Variants in GOLM2 observed in about 807,000 individuals in gnomAD.
GOLM2 encodes the protein golgi membrane protein 2.
Under a neutral mutation model 55.9 loss-of-function variants are expected in GOLM2, and 26 were observed. The observed-to-expected ratio is 0.47, with a 90% confidence interval of 0.34 to 0.65. The LOEUF is 0.65. Among genes scored for constraint, GOLM2 ranks in the 30% least tolerant of loss-of-function variants. The pLI, the probability that GOLM2 is intolerant of heterozygous loss-of-function variation, is 0.01. For missense variants in GOLM2, 486 were observed against 531.8 expected, an observed-to-expected ratio of 0.91 and a Z score of 0.85; for synonymous variants, 165 against 194.6, an observed-to-expected ratio of 0.85 and a Z score of 1.27.
At chr15:44,412,170 A>AAAAC (rs60520310) in intron 9 of GOLM2, among the ~76,000 whole-genome samples, 1,558 of 152,180 alleles carry the variant, frequency 0.01, 31 homozygotes, top group African/African-American at 0.036. Context: ...CTGTCTCAGA[A>AAAAC]AAACAAACAA....
At chr15:44,307,709 A>G (rs2078848526) in intron 1 of GOLM2, 1 of 152,186 alleles carries the variant, frequency 6.6e-6, no homozygotes, top group African/African-American at 2.4e-5. Flanking sequence ...TAGAAAAATA[A>G]TCCATAATGC....
At chr15:44,327,964 T>A (rs976780613) in intron 2 of GOLM2, among the ~76,000 whole-genome samples, 1 of 152,214 alleles carries the variant, frequency 6.6e-6, no homozygotes, top group African/African-American at 2.4e-5. Flanking sequence ...GATTGGCACC[T>A]ATGTTGGTAG....
intron 9 of GOLM2, chr15:44,409,732 C>T (rs2079624012): frequency 1.3e-5 from 2 of 149,480 alleles, no homozygotes; most frequent in African/African-American, 4.9e-5. Flanking sequence ...CATGGTAAAA[C>T]CCCGTCTCTA....
chr15:44,378,931 G>A (rs1304186337), intron 6 of GOLM2, among the ~76,000 whole-genome samples: 1 of 152,006 alleles, frequency 6.6e-6, no homozygotes, highest in Non-Finnish European at 1.5e-5. Flanking sequence ...ATTTTTAGTA[G>A]AGATGGGGTT....
At position 44,341,691 on chromosome 15, in the gene GOLM2, ATT is replaced by A. The variant is rs752182459; in HGVS notation, c.802+3396_802+3397del. Among the ~76,000 whole-genome samples the A allele has an allele frequency of 2.6e-3, 310 of 120,838 alleles. 1 individual carries two copies. The highest frequency in any genetic ancestry group is 5.2e-3 in the East Asian group (22 of 4,240). 79.3% of individuals were successfully genotyped at this position (120,838 alleles called of 152,430 possible). A position where few individuals can be genotyped will look rare whatever the true frequency, so the allele number is the denominator to read the frequency against. Reference sequence around the variant, plus strand: ...AAAAAGTACACAACAATTTTATTAGATTTTTTTTTTTTTTTTTTTTTTTGAGA... The same window carrying A: ...AAAAAGTACACAACAATTTTATTAGATTTTTTTTTTTTTTTTTTTTTGAGA... On this transcript the variant is annotated intron_variant, in intron 6 of 9. Coordinates refer to ENST00000299957, the MANE Select transcript of GOLM2 (RefSeq NM_138423.4).
intron 1 of GOLM2, among the ~76,000 whole-genome samples, chr15:44,299,564 A>G (rs899310683): frequency 1.3e-5 from 2 of 152,104 alleles, no homozygotes; most frequent in African/African-American, 2.4e-5. Context: ...AATTGACTAG[A>G]TAACTACTCT....
intron 6 of GOLM2, among the ~76,000 whole-genome samples, chr15:44,373,596 A>G (rs930910897): frequency 6.7e-6 from 1 of 149,302 alleles, no homozygotes; most frequent in Admixed American, 6.7e-5. Flanking sequence ...TCTACTAAAA[A>G]TACAAAAATT....
Position 44,288,964 on chromosome 15 carries a change from G to A in GOLM2, c.-66G>A. The A allele has an allele frequency of 6.9e-7, 1 of 1,451,066 alleles. No individual in the cohort carries two copies. The highest frequency in any genetic ancestry group is 9.4e-7 in the Non-Finnish European group (1 of 1,069,396). The allele number at this position is 1,451,066 out of a possible 1,614,324, so 89.9% of individuals were successfully genotyped here. ...CCGTGTCCGCCGGGCAACTCCAGCC[G>A]AGGCCTGGGCTTCTGCCTGCAGGTG... On this transcript the variant is annotated 5_prime_UTR_variant, in exon 1 of 10. Coordinates refer to ENST00000299957, the MANE Select transcript of GOLM2 (RefSeq NM_138423.4).
At chr15:44,337,729 C>A in intron 4 of GOLM2, 34 bp from the exon 5 acceptor site, 1 of 1,504,954 alleles carries the variant, frequency 6.6e-7, no homozygotes, top group Non-Finnish European at 8.9e-7. Flanking sequence ...ACAATTTGAA[C>A]TGAAAAATAT....
Position 44,289,544 on chromosome 15 carries a change from C to G in GOLM2, c.327+188C>G, listed in dbSNP as rs2078705726. Among the ~76,000 whole-genome samples, 1 of 152,188 alleles carries G rather than the reference C, an allele frequency of 6.6e-6. No individual in the cohort carries two copies. The highest frequency in any genetic ancestry group is 2.1e-4 in the South Asian group (1 of 4,828). On this transcript the variant is annotated intron_variant, in intron 1 of 9. Transcript: ENST00000299957. The surrounding 1 kb of genome is among the most constrained non-coding windows in gnomAD (Gnocchi z 4.8). The stretch of plus-strand genomic sequence containing the variant: ...TTATCAGTGCCACGTTCTCTGGTCC[C>G]TGCCAGAAAAAAATGACTGTAAATT...
intron 7 of GOLM2, among the ~76,000 whole-genome samples, chr15:44,379,992 C>T (rs2079391513): frequency 6.6e-6 from 1 of 151,962 alleles, no homozygotes; most frequent in African/African-American, 2.4e-5. Context: ...TAGTCTTTTT[C>T]TTAAGAACAG....
At chr15:44,344,258 C>CAA (rs560961568) in intron 6 of GOLM2, among the ~76,000 whole-genome samples, 10 of 87,074 alleles carry the variant, frequency 1.1e-4, no homozygotes, top group African/African-American at 3.6e-4. Flanking sequence ...GACCCTGTCT[C>CAA]AAAAAAAAAA....
At chr15:44,402,860 T>A (rs2079574432) in intron 8 of GOLM2, 27 bp from the exon 9 acceptor site, 1 of 1,610,970 alleles carries the variant, frequency 6.2e-7, no homozygotes, top group Non-Finnish European at 8.5e-7. Context: ...TCTTTACTCT[T>A]GAATTAATCC....
intron 9 of GOLM2, among the ~76,000 whole-genome samples, chr15:44,408,087 C>G (rs982391443): frequency 2.0e-5 from 3 of 152,116 alleles, no homozygotes; most frequent in Non-Finnish European, 4.4e-5. Context: ...CCTTTCTTGA[C>G]TTCAGAGGGA....
At chr15:44,375,472 A>G (rs1004083886) in intron 6 of GOLM2, among the ~76,000 whole-genome samples, 3 of 152,150 alleles carry the variant, frequency 2.0e-5, no homozygotes, top group African/African-American at 7.2e-5. Flanking sequence ...TTGACTTAGT[A>G]CTTTCTTATC....
intron 3 of GOLM2, among the ~76,000 whole-genome samples, chr15:44,330,715 T>TG (rs1262307656): frequency 6.6e-6 from 1 of 151,976 alleles, no homozygotes; most frequent in African/African-American, 2.4e-5. Context: ...GGCAACAGAA[T>TG]GAAACCTTGT....
At position 44,289,944 on chromosome 15, in the gene GOLM2, C is replaced by G. The variant is rs2078708509; in HGVS notation, c.327+588C>G. Among the ~76,000 whole-genome samples, 1 of 152,122 alleles carries G rather than the reference C, an allele frequency of 6.6e-6. No homozygotes were observed. The highest frequency in any genetic ancestry group is 2.1e-4 in the South Asian group (1 of 4,830). On this transcript the variant is annotated intron_variant, in intron 1 of 9. Transcript: ENST00000299957. This position sits in a 1 kb window ranked among gnomAD's most constrained non-coding sequence, Gnocchi z 4.8. ...GCCCTCGAGCTATATGTGAGACACA[C>G]TTGTGTCTTGGACATAGTTGATCCA...
chr15:44,341,691 ATTTTT>A (rs752182459), intron 6 of GOLM2, among the ~76,000 whole-genome samples: 5 of 120,868 alleles, frequency 4.1e-5, no homozygotes, highest in Admixed American at 8.6e-5. Context: ...ATTTTATTAG[ATTTTT>A]TTTTTTTTTT....
At position 44,344,780 on chromosome 15, in the gene GOLM2, A is replaced by ATTT. The variant is rs201124610; in HGVS notation, c.802+6476_802+6478dup. Among the ~76,000 whole-genome samples the ATTT allele has an allele frequency of 3.5e-3, 499 of 141,264 alleles. 19 individuals carry two copies. The East Asian group carries it at 0.083, about 23-fold the overall frequency. The allele number at this position is 141,264 out of a possible 152,430, so 92.7% of individuals were successfully genotyped here. A position where few individuals can be genotyped will look rare whatever the true frequency, so the allele number is the denominator to read the frequency against. Reference sequence around the variant, plus strand: ...ACTTATTTATTTATTTATTTAATTAATTTTTTTTTTTTTTTGAGTCGGAGT... The same window carrying ATTT: ...ACTTATTTATTTATTTATTTAATTAATTTTTTTTTTTTTTTTTTGAGTCGGAGT... On this transcript the variant is annotated intron_variant, in intron 6 of 9. Transcript: ENST00000299957.
Sources: allele counts gnomAD v4.1 joint callset (sites outside exome capture counted in the v4.1 genomes callset), GRCh38; gene constraint gnomAD v4.1.1; non-coding constraint Gnocchi (gnomAD v3.1); transcripts MANE v1.5; gene names NCBI Gene and HGNC (gene_info 2026-07-23, HGNC 2026-07-21).